Variants in MIR2052HG observed in about 807,000 individuals in gnomAD.
MIR2052HG encodes the protein MIR2052 host gene.
At chr8:74,617,750 T>C (rs1424474437) in intron 2 of MIR2052HG, among the ~76,000 whole-genome samples, 1 of 152,174 alleles carries the variant, frequency 6.6e-6, no homozygotes, top group Non-Finnish European at 1.5e-5. Flanking sequence ...GATCAAATGG[T>C]AGTTCTATTT....
intron 2 of MIR2052HG, among the ~76,000 whole-genome samples, chr8:74,700,907 T>C (rs1038604451): frequency 1.3e-5 from 2 of 152,148 alleles, no homozygotes; most frequent in Non-Finnish European, 2.9e-5. Flanking sequence ...TAAGTACAGA[T>C]ATAATTCTGA....
chr8:74,638,830 G>T (rs1431262070), intron 2 of MIR2052HG, among the ~76,000 whole-genome samples: 2 of 152,126 alleles, frequency 1.3e-5, no homozygotes, highest in African/African-American at 4.8e-5. Context: ...TTATTAATCT[G>T]GGCATCATCA....
intron 1 of MIR2052HG, among the ~76,000 whole-genome samples, chr8:74,602,817 G>C (rs533239981): frequency 0.039 from 2,850 of 73,788 alleles, 71 homozygotes; most frequent in African/African-American, 0.059. Context: ...GCCCGGCCGT[G>C]TTTCTTTCTT....
At chr8:74,712,474 A>C (rs942178893) in intron 4 of MIR2052HG, among the ~76,000 whole-genome samples, 1 of 152,210 alleles carries the variant, frequency 6.6e-6, no homozygotes, top group African/African-American at 2.4e-5. Context: ...TTTAGTTTTA[A>C]TATCTCTCTT....
chr8:74,738,127 A>T (rs1480100428), intron 4 of MIR2052HG, among the ~76,000 whole-genome samples: 2 of 136,894 alleles, frequency 1.5e-5, no homozygotes, highest in Non-Finnish European at 1.6e-5. Flanking sequence ...GTATGTATGT[A>T]TGTATGTATC....
chr8:74,709,661 T>C (rs1453635931), intron 4 of MIR2052HG, among the ~76,000 whole-genome samples: 1 of 152,144 alleles, frequency 6.6e-6, no homozygotes, highest in East Asian at 1.9e-4. Flanking sequence ...ATTTATCTGA[T>C]TAATTAGAAG....
chr8:74,650,741 G>T (rs1226893660), intron 2 of MIR2052HG, among the ~76,000 whole-genome samples: 1 of 152,072 alleles, frequency 6.6e-6, no homozygotes, highest in Middle Eastern at 3.2e-3. Flanking sequence ...TGGGTTTTTA[G>T]TGAAGTTTTA....
intron 2 of MIR2052HG, among the ~76,000 whole-genome samples, chr8:74,670,588 G>A (rs536257374): frequency 6.6e-6 from 1 of 152,298 alleles, no homozygotes; most frequent in East Asian, 1.9e-4. Flanking sequence ...GAGTTCAGGA[G>A]AGAGATGTAT....
At chr8:74,637,603 A>C (rs1301221838) in intron 2 of MIR2052HG, among the ~76,000 whole-genome samples, 1 of 152,170 alleles carries the variant, frequency 6.6e-6, no homozygotes, top group African/African-American at 2.4e-5. Flanking sequence ...CACTTTGGAG[A>C]ACTTTCATGA....
intron 2 of MIR2052HG, among the ~76,000 whole-genome samples, chr8:74,679,535 A>G (rs1174190082): frequency 2.4e-5 from 2 of 82,236 alleles, no homozygotes; most frequent in Non-Finnish European, 6.0e-5. Context: ...TATTATTATT[A>G]TTATTATTAT....
Position 74,666,924 on chromosome 8 carries a change from C to T in MIR2052HG, n.217-35455C>T, listed in dbSNP as rs891857575. Among the ~76,000 whole-genome samples, 10 of 152,256 alleles carry T rather than the reference C, an allele frequency of 6.6e-5. No homozygotes were observed. In the East Asian group the frequency reaches 1.9e-3, roughly 29 times the overall value. On this transcript the variant is annotated intron_variant and non_coding_transcript_variant, in intron 2 of 6. Coordinates refer to ENST00000523442, the Ensembl canonical transcript of MIR2052HG. The stretch of plus-strand genomic sequence containing the variant: ...CTGTAATCAGTTGGAGTTTGGCATC[C>T]TCTGGAGGACCTCCACCTGCATGCT...
chr8:74,622,626 A>T (rs1409040835), intron 2 of MIR2052HG, among the ~76,000 whole-genome samples: 1 of 152,058 alleles, frequency 6.6e-6, no homozygotes, highest in African/African-American at 2.4e-5. Context: ...AAAAAATTTT[A>T]AAAAGAAAAG....
chr8:74,651,306 T>C (rs1227621340), intron 2 of MIR2052HG, among the ~76,000 whole-genome samples: 2 of 152,154 alleles, frequency 1.3e-5, no homozygotes, highest in East Asian at 3.9e-4. Context: ...TCTTTAAGAA[T>C]ATTTATTTCT....
At position 74,714,899 on chromosome 8, in the gene MIR2052HG, C is replaced by G. The variant is rs189976963; in HGVS notation, n.371+11217C>G. On this transcript the variant is annotated intron_variant and non_coding_transcript_variant, in intron 4 of 6. Coordinates refer to ENST00000523442, the Ensembl canonical transcript of MIR2052HG. ...TCATATTTTTTGGTAGAGATGGGGT[C>G]AAACTCCTGACCTCAAGTGATCCAC... Among the ~76,000 whole-genome samples the G allele has an allele frequency of 4.8e-4, 73 of 151,734 alleles. No homozygotes were observed. The South Asian group carries it at 0.01, about 22-fold the overall frequency.
chr8:74,675,689 A>G (rs1809043781), intron 2 of MIR2052HG, among the ~76,000 whole-genome samples: 1 of 151,986 alleles, frequency 6.6e-6, no homozygotes, highest in Non-Finnish European at 1.5e-5. Context: ...GTATCTGAAT[A>G]AAAATAAGGA....
intron 2 of MIR2052HG, among the ~76,000 whole-genome samples, chr8:74,634,205 G>A (rs1172191213): frequency 1.3e-5 from 2 of 152,144 alleles, no homozygotes; most frequent in Admixed American, 1.3e-4. Context: ...ACTTAGAACA[G>A]GCATTCAGGA....
At chr8:74,683,486 T>C (rs1168373343) in intron 2 of MIR2052HG, among the ~76,000 whole-genome samples, 1 of 152,132 alleles carries the variant, frequency 6.6e-6, no homozygotes, top group African/African-American at 2.4e-5. Context: ...AGAATTACAC[T>C]GCATATTCAG....
intron 1 of MIR2052HG, among the ~76,000 whole-genome samples, chr8:74,605,959 C>T (rs190304163): frequency 1.3e-5 from 2 of 152,278 alleles, no homozygotes; most frequent in Admixed American, 6.5e-5. Flanking sequence ...GGCCAAGAGA[C>T]GGCTAACACT....
chr8:74,718,055 A>T (rs774486632), intron 4 of MIR2052HG, among the ~76,000 whole-genome samples: 8 of 152,150 alleles, frequency 5.3e-5, no homozygotes, highest in Non-Finnish European at 1.0e-4. Flanking sequence ...AATATATGTT[A>T]TTGGTACAAT....
Sources: gnomAD v4.1 joint callset for allele counts (sites outside exome capture counted in the v4.1 genomes callset) on GRCh38, gnomAD v4.1.1 for gene constraint, MANE v1.5 for transcripts, NCBI Gene and HGNC (gene_info 2026-07-23, HGNC 2026-07-21) for gene names.